The following LMO7 variants were observed in gnomAD, a reference collection of about 807,000 sequenced individuals.
LMO7 encodes LIM domain 7.
In LMO7, 120 loss-of-function variants were observed where a neutral mutation model predicts 206.5. The ratio of observed to expected loss-of-function variants is 0.58; its 90% CI spans 0.50 to 0.68. LMO7 has a LOEUF of 0.68. LMO7 is among the 30% of genes least tolerant of loss of function. The probability of loss-of-function intolerance (pLI) is 0.00; values close to 1 mark genes in which losing one functional copy is unlikely to be tolerated. For synonymous variants in LMO7, 706 were observed against 681.5 expected, an observed-to-expected ratio of 1.04 and a Z score of -0.56; for missense variants, 1,959 against 1,957.9, an observed-to-expected ratio of 1.00 and a Z score of -0.01.
intron 29 of LMO7, 147 bp from the exon 30 acceptor site, chr13:75,856,359 A>C: frequency 1.8e-6 from 1 of 551,956 alleles, no homozygotes; most frequent in Non-Finnish European, 3.2e-6. Flanking sequence ...GAATCTACTA[A>C]TCATCTTTCG....
intron 3 of LMO7, among the ~76,000 whole-genome samples, chr13:75,730,210 T>C (rs1054302643): frequency 9.9e-5 from 15 of 152,138 alleles, no homozygotes; most frequent in South Asian, 4.2e-4. Flanking sequence ...ATGGTACCAG[T>C]TCCTCCTTGT....
At position 75,841,782 on chromosome 13, in the gene LMO7, T is replaced by C; in HGVS notation, c.3830T>C (p.Val1277Ala). 1 of 1,613,846 alleles carries C rather than the reference T, an allele frequency of 6.2e-7. No homozygotes were observed. Among genetic ancestry groups the C allele is most frequent in the Non-Finnish European group, 8.5e-7 (1 of 1,179,964 alleles). The change falls in exon 24 of 31, where the codon GTT (valine) becomes GCT (alanine). Residue 1277 changes from valine (V) to alanine (A), a missense_variant. Physicochemically the swap from Val to Ala is moderately conservative, Grantham distance 64. Coordinates refer to ENST00000377534, the MANE Select transcript of LMO7 (RefSeq NM_001306080.2). ...EEERRQPQEEVVHEDQGKKPQ... is the reference protein window; with the variant it reads ...EEERRQPQEEAVHEDQGKKPQ... ...GAGAGGAGACAGCCACAAGAGGAAG[T>C]TGTTCATGAGGACCAAGGAAAGAAG... is the stretch of plus-strand genomic sequence containing the variant.
intron 1 of LMO7, among the ~76,000 whole-genome samples, chr13:75,695,354 T>G (rs1172626305): frequency 6.6e-6 from 1 of 152,214 alleles, no homozygotes; most frequent in Non-Finnish European, 1.5e-5. Flanking sequence ...TGCACACCAT[T>G]CCATTTTGGA....
intron 1 of LMO7, among the ~76,000 whole-genome samples, chr13:75,647,236 TG>T (rs1233083109): frequency 6.6e-6 from 1 of 152,234 alleles, no homozygotes; most frequent in African/African-American, 2.4e-5. Context: ...AGTGGATGAA[TG>T]AACAAATACC....
intron 1 of LMO7, among the ~76,000 whole-genome samples, chr13:75,669,394 T>C (rs2039349165): frequency 6.6e-6 from 1 of 152,066 alleles, no homozygotes; most frequent in Non-Finnish European, 1.5e-5. Context: ...CCGCCAAATC[T>C]GTATGTTATC....
At chr13:75,697,400 A>G (rs1277090543) in intron 1 of LMO7, among the ~76,000 whole-genome samples, 1 of 152,204 alleles carries the variant, frequency 6.6e-6, no homozygotes, top group Non-Finnish European at 1.5e-5. Flanking sequence ...GGGATGTCTT[A>G]CATGATGGCA....
intron 1 of LMO7, among the ~76,000 whole-genome samples, chr13:75,662,398 A>G (rs1228320170): frequency 6.6e-6 from 1 of 152,180 alleles, no homozygotes; most frequent in Non-Finnish European, 1.5e-5. Flanking sequence ...GGCTGACTGC[A>G]GTTGTGACTT....
At chr13:75,809,771 A>G (rs2141116727) in intron 11 of LMO7, among the ~76,000 whole-genome samples, 1 of 151,990 alleles carries the variant, frequency 6.6e-6, no homozygotes, top group East Asian at 1.9e-4. Context: ...TGCAAAATAG[A>G]CCTTCAAAAA....
At position 75,842,898 on chromosome 13, in the gene LMO7, G is replaced by C. The variant is rs1042499766; in HGVS notation, c.4079G>C (p.Gly1360Ala). The C allele has an allele frequency of 6.2e-7, 1 of 1,604,674 alleles. No individual in the cohort carries two copies. Among genetic ancestry groups the C allele is most frequent in the Middle Eastern group, 1.7e-4 (1 of 6,036 alleles). ...CCAAAGACAGAAGAAGCATCTTCAG[G>C]TTTTCTTCCTGGTGACAGGTATGTA... ...DIPKTEEASS[G>A]FLPGDRNKSR... The change falls in exon 25 of 31, where the codon GGT becomes GCT. Residue 1360 changes from glycine to alanine, a missense_variant. Physicochemically the swap from Gly to Ala is moderately conservative, Grantham distance 60. Transcript: ENST00000377534.
At chr13:75,835,175 C>G in intron 17 of LMO7, 58 bp from the exon 18 acceptor site, 1 of 1,598,726 alleles carries the variant, frequency 6.3e-7, no homozygotes, top group Non-Finnish European at 8.5e-7. Flanking sequence ...CCAACCTTCC[C>G]TGCCATTTAT....
chr13:75,725,435 A>G (rs2044388158), intron 2 of LMO7, among the ~76,000 whole-genome samples: 2 of 152,276 alleles, frequency 1.3e-5, no homozygotes, highest in South Asian at 2.1e-4. Flanking sequence ...CTTGATTTAT[A>G]CTTTCCAGAA....
At position 75,629,263 on chromosome 13, in the gene LMO7, A is replaced by G. The variant is rs189799428; in HGVS notation, c.225+5943A>G. 5.5e-3 allele frequency among the ~76,000 whole-genome samples: 836 copies of G among 152,274 alleles called. 7 individuals carry two copies. The highest frequency in any genetic ancestry group is 0.018 in the African/African-American group (746 of 41,524). On this transcript the variant is annotated intron_variant, in intron 2 of 29. Coordinates refer to the LMO7 transcript ENST00000341547. ...TATCAATGCTTTATTAATTCTGTAC[A>G]TTAAGTTATAGGTTTTACATATACA...
intron 1 of LMO7, among the ~76,000 whole-genome samples, chr13:75,668,899 G>A (rs1048368423): frequency 6.6e-6 from 1 of 152,196 alleles, no homozygotes; most frequent in Non-Finnish European, 1.5e-5. Context: ...CCACCAAGTG[G>A]TAGATTTTGA....
intron 7 of LMO7, among the ~76,000 whole-genome samples, chr13:75,801,280 C>T (rs1236540931): frequency 1.3e-5 from 2 of 151,008 alleles, no homozygotes; most frequent in Middle Eastern, 3.2e-3. Context: ...AACTTTCATC[C>T]TTGGCTTTTT....
At chr13:75,632,801 T>C (rs1566255136), upstream of LMO7, among the ~76,000 whole-genome samples, 1 of 151,488 alleles carries the variant, frequency 6.6e-6, no homozygotes, top group African/African-American at 2.4e-5. Context: ...ATCTAGAATT[T>C]TAAAATTTTG....
chr13:75,721,648 C>T (rs2044025996), intron 2 of LMO7, among the ~76,000 whole-genome samples: 1 of 152,136 alleles, frequency 6.6e-6, no homozygotes, highest in Non-Finnish European at 1.5e-5. Flanking sequence ...CATTTCATTC[C>T]TTTTTATGGC....
intron 3 of LMO7, among the ~76,000 whole-genome samples, chr13:75,746,783 G>T (rs2046878191): frequency 6.6e-6 from 1 of 151,680 alleles, no homozygotes; most frequent in Non-Finnish European, 1.5e-5. Context: ...TTCCTGCAAG[G>T]TACCTGTTGT....
At position 75,857,918 on chromosome 13, in the gene LMO7, C is replaced by T; in HGVS notation, c.4874-3C>T. ...TTTCTTTCTTTTCTCCTTGCCCGAT[C>T]AGCTGGACGGCCAACCGCCATGTGA... On this transcript the variant is annotated splice_polypyrimidine_tract_variant and splice_region_variant and intron_variant, in intron 30 of 30. Coordinates refer to ENST00000377534, the MANE Select transcript of LMO7 (RefSeq NM_001306080.2). 6.3e-7 allele frequency: 1 copy of T among 1,594,624 alleles called. No homozygotes were observed. The highest frequency in any genetic ancestry group is 1.1e-5 in the South Asian group (1 of 87,130).
Position 75,626,595 on chromosome 13 carries a change from A to ATTTTTTTTTTTTTTTTTTTTTT in LMO7, c.225+3282_225+3283insTTTTTTTTTTTTTTTTTTTTTT, listed in dbSNP as rs1240937141. Among the ~76,000 whole-genome samples, 20 of 71,176 alleles carry ATTTTTTTTTTTTTTTTTTTTTT rather than the reference A, an allele frequency of 2.8e-4. 2 individuals are homozygous for ATTTTTTTTTTTTTTTTTTTTTT. Among genetic ancestry groups the ATTTTTTTTTTTTTTTTTTTTTT allele is most frequent in the South Asian group, 4.8e-4 (1 of 2,080 alleles). The allele number at this position is 71,176 out of a possible 152,430, so 46.7% of individuals were successfully genotyped here. On this transcript the variant is annotated intron_variant, in intron 2 of 29. Transcript: ENST00000341547. ...ATATATATTATATATATATATATAA[A>ATTTTTTTTTTTTTTTTTTTTTT]TTTTTTTGAGACAGGGTCTCACTCT...
Sources: gnomAD v4.1 joint callset for allele counts (sites outside exome capture counted in the v4.1 genomes callset) on GRCh38, gnomAD v4.1.1 for gene constraint, MANE v1.5 for transcripts, NCBI Gene and HGNC (gene_info 2026-07-23, HGNC 2026-07-21) for gene names.